PRXL2C: variants seen among roughly 807,000 people sequenced by gnomAD.
PRXL2C encodes peroxiredoxin-like 2C.
PRXL2C carries 38 observed loss-of-function variants against 24.9 expected under a neutral mutation model. The observed-to-expected ratio is 1.53, with a 90% CI of 1.18 to 2.00. PRXL2C has a LOEUF of 2.00. PRXL2C is among the 30% of genes most tolerant of loss of function. PRXL2C has a pLI of 0.00. For synonymous variants in PRXL2C, 98 were observed against 117.2 expected, an observed-to-expected ratio of 0.84 and a Z score of 1.06; for missense variants, 294 against 290.9, an observed-to-expected ratio of 1.01 and a Z score of -0.08.
At position 96,641,408 on chromosome 9, in the gene PRXL2C, TTATA is replaced by T. The variant is rs1848112120; in HGVS notation, c.*347_*350del. 1 of 160,680 alleles carries T rather than the reference TTATA, an allele frequency of 6.2e-6. No homozygotes were observed. Among genetic ancestry groups the T allele is most frequent in the Admixed American group, 6.4e-5 (1 of 15,656 alleles). 10.0% of individuals were successfully genotyped at this position (160,680 alleles called of 1,614,324 possible). A position where few individuals can be genotyped will look rare whatever the true frequency, so the allele number is the denominator to read the frequency against. On this transcript the variant is annotated 3_prime_UTR_variant, in exon 6 of 6. Transcript: ENST00000375234. Reference sequence around the variant, plus strand: ...GGTCTTGTGTTGTTCTCCTGTCCCCTTATATACTGTCAGAATTTATATTGCCAAA... The same window carrying T: ...GGTCTTGTGTTGTTCTCCTGTCCCCTTACTGTCAGAATTTATATTGCCAAA...
At position 96,641,905 on chromosome 9, in the gene PRXL2C, A is replaced by G; in HGVS notation, c.554-19T>C. The G allele has an allele frequency of 6.8e-7, 1 of 1,464,248 alleles. No homozygotes were observed. The highest frequency in any genetic ancestry group is 9.2e-7 in the Non-Finnish European group (1 of 1,088,256). 90.7% of individuals were successfully genotyped at this position (1,464,248 alleles called of 1,614,324 possible). On this transcript the variant is annotated intron_variant, in intron 5 of 5. Transcript: ENST00000375234. ...TTGTTACCTAGAAGAGAATAAGAAT[A>G]AAAGGCTGAGGCATAGTATTATTCA... is the stretch of plus-strand genomic sequence containing the variant.
At chr9:96,646,597 G>A (rs1271373334) in intron 4 of PRXL2C, among the ~76,000 whole-genome samples, 2 of 152,126 alleles carry the variant, frequency 1.3e-5, no homozygotes, top group African/African-American at 2.4e-5. Context: ...CAAGGCATGT[G>A]ACTATGTTAT....
At chr9:96,643,707 A>T (rs1239418489) in intron 5 of PRXL2C, among the ~76,000 whole-genome samples, 1 of 152,222 alleles carries the variant, frequency 6.6e-6, no homozygotes, top group African/African-American at 2.4e-5. Context: ...ATTCATTCTC[A>T]TTCATCAGGG....
At chr9:96,646,755 A>G (rs1227941625) in intron 4 of PRXL2C, among the ~76,000 whole-genome samples, 1 of 152,188 alleles carries the variant, frequency 6.6e-6, no homozygotes, top group East Asian at 1.9e-4. Context: ...CTGCTGCTCA[A>G]GAGGAAAGGC....
Position 96,651,673 on chromosome 9 carries a change from A to G in PRXL2C, c.301T>C (p.Tyr101His), listed in dbSNP as rs777765653. 1.2e-6 allele frequency: 2 copies of G among 1,610,750 alleles called. No homozygotes were observed. The highest frequency in any genetic ancestry group is 1.7e-6 in the Non-Finnish European group (2 of 1,177,782). Reference sequence around the variant, plus strand: ...TAGATATTTACCTCAATATGATGGTAGGATGACTGTCCAATCACTATAAGG... The same window carrying G: ...TAGATATTTACCTCAATATGATGGTGGGATGACTGTCCAATCACTATAAGG... Reference protein sequence around the residue: ...VTLIVIGQSSYHHIEPFCKLT... With the variant: ...VTLIVIGQSSHHHIEPFCKLT... Residue 101 changes from tyrosine (Y) to histidine (H), a missense_variant, in exon 3 of 6, where the codon TAC becomes CAC. Tyr to His is a moderately conservative substitution (Grantham distance 83). Coordinates refer to ENST00000375234, the MANE Select transcript of PRXL2C (RefSeq NM_153698.2).
chr9:96,646,919 T>C (rs1848207262), intron 4 of PRXL2C, among the ~76,000 whole-genome samples: 1 of 152,146 alleles, frequency 6.6e-6, no homozygotes, highest in Non-Finnish European at 1.5e-5. Context: ...GCCTCCCAAG[T>C]GGCTGGGATT....
In PRXL2C at chr9:96,639,638, A is replaced by G. The variant is rs952928207; in HGVS notation, c.*2121T>C. 6.6e-6 allele frequency: 1 copy of G among 152,214 alleles called. No homozygotes were observed. Among genetic ancestry groups the G allele is most frequent in the East Asian group, 1.9e-4 (1 of 5,204 alleles). 9.4% of individuals were successfully genotyped at this position (152,214 alleles called of 1,614,324 possible). ...ATTATACAAACATGAAGATATATTC[A>G]AATATTTGAATACATTAGTTTTTTT... On this transcript the variant is annotated 3_prime_UTR_variant, in exon 6 of 6. Transcript: ENST00000375234.
rs773682968 is a variant in PRXL2C at position 96,654,784 on chromosome 9, AAACGGCAG to A, written c.193-19_193-12del. 41 of 1,556,516 alleles carry A rather than the reference AAACGGCAG, an allele frequency of 2.6e-5. No individual in the cohort carries two copies. The South Asian group carries it at 4.2e-4, about 16-fold the overall frequency. ...GTAACACAGGAAATGCTGAAAGCCA[AAACGGCAG>A]AAAGGGCAAGTTAGTAAAGCAGCAC... On this transcript the variant is annotated splice_polypyrimidine_tract_variant and intron_variant, in intron 1 of 5. Coordinates refer to ENST00000375234, the MANE Select transcript of PRXL2C (RefSeq NM_153698.2).
chr9:96,654,917 G>A (rs1027291975), intron 1 of PRXL2C, 144 bp from the exon 2 acceptor site: 1 of 1,203,580 alleles, frequency 8.3e-7, no homozygotes, highest in Non-Finnish European at 1.1e-6. Flanking sequence ...CGGCGCGTGG[G>A]AAGCGGGCCT....
intron 4 of PRXL2C, among the ~76,000 whole-genome samples, chr9:96,651,107 T>C (rs1276850953): frequency 4.6e-5 from 7 of 151,914 alleles, no homozygotes; most frequent in Non-Finnish European, 1.0e-4. Context: ...GGAAACCCTG[T>C]CTCTACTAAA....
At chr9:96,645,386 A>G (rs548192074) in intron 5 of PRXL2C, among the ~76,000 whole-genome samples, 13 of 152,256 alleles carry the variant, frequency 8.5e-5, no homozygotes, top group Admixed American at 8.5e-4. Context: ...TCAAATACAT[A>G]AACATCAAAA....
chr9:96,644,624 T>C (rs750388671), intron 5 of PRXL2C, among the ~76,000 whole-genome samples: 1 of 151,996 alleles, frequency 6.6e-6, no homozygotes, highest in Non-Finnish European at 1.5e-5. Flanking sequence ...TAGGTGGGAT[T>C]ACAAGCATGC....
Position 96,640,548 on chromosome 9 carries a change from C to G in PRXL2C, c.*1211G>C, listed in dbSNP as rs1413012516. On this transcript the variant is annotated 3_prime_UTR_variant, in exon 6 of 6. Coordinates refer to ENST00000375234, the MANE Select transcript of PRXL2C (RefSeq NM_153698.2). ...AAAAAAAAAAAAAAAAAAAAAAAAG[C>G]CAGGCAAGGTGGCTCATACCTGTAA... 1 of 117,710 alleles carries G rather than the reference C, an allele frequency of 8.5e-6. No individual in the cohort carries two copies. The allele number at this position is 117,710 out of a possible 1,614,324, so 7.3% of individuals were successfully genotyped here.
chr9:96,650,866 A>T (rs1848256283), intron 4 of PRXL2C, among the ~76,000 whole-genome samples: 1 of 152,170 alleles, frequency 6.6e-6, no homozygotes. Context: ...ACAAAAATGG[A>T]ACCACATTGA....
intron 4 of PRXL2C, 45 bp from the exon 5 acceptor site, chr9:96,646,069 T>A (rs1005892210): frequency 2.6e-6 from 4 of 1,536,652 alleles, no homozygotes; most frequent in Non-Finnish European, 3.5e-6. Context: ...TATATTCAAT[T>A]TGATATTAAG....
At chr9:96,649,410 C>CAAA (rs370331810) in intron 4 of PRXL2C, among the ~76,000 whole-genome samples, 1 of 137,638 alleles carries the variant, frequency 7.3e-6, no homozygotes, top group Non-Finnish European at 1.5e-5. Context: ...ACTAAAAATA[C>CAAA]AAAATTAGCA....
chr9:96,655,069 C>CA, intron 1 of PRXL2C, 21 bp downstream of exon 1: 2 of 1,458,062 alleles, frequency 1.4e-6, no homozygotes, highest in Non-Finnish European at 1.8e-6. Flanking sequence ...CGCTTCCCTT[C>CA]CAGCCCCGCC....
intron 5 of PRXL2C, 126 bp downstream of exon 5, chr9:96,645,767 A>G (rs1342117307): frequency 2.6e-6 from 3 of 1,132,764 alleles, no homozygotes; most frequent in Admixed American, 5.1e-5. Context: ...ACTGCACTCC[A>G]GCCTTGGCGA....
chr9:96,651,337 A>G, intron 4 of PRXL2C, 53 bp downstream of exon 4: 1 of 1,337,758 alleles, frequency 7.5e-7, no homozygotes, highest in Non-Finnish European at 1.1e-6. Flanking sequence ...ATATATACAC[A>G]AATATGAACA....
Sources: gnomAD v4.1 joint callset for allele counts (sites outside exome capture counted in the v4.1 genomes callset) on GRCh38, gnomAD v4.1.1 for gene constraint, MANE v1.5 for transcripts, NCBI Gene and HGNC (gene_info 2026-07-23, HGNC 2026-07-21) for gene names.